Variants in CDH18 observed in about 807,000 individuals in gnomAD.
CDH18 encodes cadherin 18.
Under a neutral mutation model 67.9 loss-of-function variants are expected in CDH18, and 31 were observed. That is an observed-to-expected ratio of 0.46 (90% CI 0.34 to 0.62). CDH18 has a LOEUF of 0.62. Among genes scored for constraint, CDH18 ranks in the 20% least tolerant of loss-of-function variants. The probability of loss-of-function intolerance (pLI) is 0.01; values close to 1 mark genes in which losing one functional copy is unlikely to be tolerated. For missense variants in CDH18, 890 were observed against 975.5 expected (o/e 0.91, Z 1.17); for synonymous variants, 362 against 347.2 (o/e 1.04, Z -0.48).
chr5:20,424,298 G>A (rs911620972), intron 1 of CDH18, among the ~76,000 whole-genome samples: 5 of 150,916 alleles, frequency 3.3e-5, no homozygotes, highest in Non-Finnish European at 7.4e-5. Context: ...TTTTCATCGA[G>A]AGGATCTGAA....
In CDH18 at chr5:19,669,156, C is replaced by T. The variant is rs567155346; in HGVS notation, c.643+52191G>A. Among the ~76,000 whole-genome samples the T allele has an allele frequency of 4.0e-3, 579 of 144,038 alleles. 2 individuals carry two copies. The highest frequency in any genetic ancestry group is 0.014 in the African/African-American group (550 of 39,362). The allele number at this position is 144,038 out of a possible 152,430, so 94.5% of individuals were successfully genotyped here. A position where few individuals can be genotyped will look rare whatever the true frequency, so the allele number is the denominator to read the frequency against. On this transcript the variant is annotated intron_variant, in intron 5 of 12. Transcript: ENST00000382275. Reference sequence around the variant, plus strand: ...ATATATCATACATTATATATAATATCATATATCATATATATCATAATAATA... The same window carrying T: ...ATATATCATACATTATATATAATATTATATATCATATATATCATAATAATA...
At chr5:19,642,918 T>C (rs866386718) in intron 5 of CDH18, among the ~76,000 whole-genome samples, 5 of 152,034 alleles carry the variant, frequency 3.3e-5, no homozygotes, top group Middle Eastern at 3.2e-3. Context: ...GCAAACTATA[T>C]ATCTGATAAA....
At chr5:20,262,192 T>C (rs184088368) in intron 1 of CDH18, among the ~76,000 whole-genome samples, 1 of 152,320 alleles carries the variant, frequency 6.6e-6, no homozygotes, top group Admixed American at 6.5e-5. Flanking sequence ...TGTTGTTAAA[T>C]TGTGATAAAT....
At chr5:19,583,894 A>G (rs1743677264) in intron 7 of CDH18, among the ~76,000 whole-genome samples, 2 of 152,212 alleles carry the variant, frequency 1.3e-5, no homozygotes, top group Admixed American at 6.5e-5. Flanking sequence ...CTCGAAGGAC[A>G]AGTTTAAAAT....
chr5:19,945,432 G>A (rs1487746787), intron 2 of CDH18, among the ~76,000 whole-genome samples: 1 of 152,126 alleles, frequency 6.6e-6, no homozygotes, highest in African/African-American at 2.4e-5. Flanking sequence ...AAGATCAAAA[G>A]TCTGCTAATA....
chr5:19,875,650 A>AT (rs1786897844), intron 2 of CDH18, among the ~76,000 whole-genome samples: 1 of 151,938 alleles, frequency 6.6e-6, no homozygotes, highest in Admixed American at 6.6e-5. Flanking sequence ...AATTTTGCCT[A>AT]TTTTTAAACA....
Position 19,838,831 on chromosome 5 carries a change from T to C in CDH18, c.156A>G (p.Lys52=). 1 of 1,613,978 alleles carries C rather than the reference T, an allele frequency of 6.2e-7. No individual in the cohort carries two copies. Among genetic ancestry groups the C allele is most frequent in the Non-Finnish European group, 8.5e-7 (1 of 1,179,884 alleles). ...AGAACTGATTCCATACCCATCCCCTTTTGGGACGATGATGGACTTCGGTTT... is the reference window on the plus strand; with the variant it reads ...AGAACTGATTCCATACCCATCCCCTCTTGGGACGATGATGGACTTCGGTTT... The part of the protein sequence containing the change: ...EGETEVHHRP[K]RGWVWNQFFV... Residue 52 remains lysine, a synonymous_variant, in exon 3 of 13, where the codon AAA becomes AAG. Transcript: ENST00000382275.
intron 3 of CDH18, among the ~76,000 whole-genome samples, chr5:19,825,137 A>G (rs1780273799): frequency 6.6e-6 from 1 of 151,486 alleles, no homozygotes; most frequent in African/African-American, 2.4e-5. Context: ...TAGAGTTTCC[A>G]GTCCAGCATT....
chr5:19,702,179 C>T (rs1763357909), intron 5 of CDH18, among the ~76,000 whole-genome samples: 1 of 126,074 alleles, frequency 7.9e-6, no homozygotes, highest in Admixed American at 9.7e-5. Context: ...GATGGAGTCT[C>T]CCTCTGTCCC....
chr5:20,462,218 G>A (rs56155622), intron 1 of CDH18, among the ~76,000 whole-genome samples: 12,694 of 152,192 alleles, frequency 0.083, 1,702 homozygotes, highest in African/African-American at 0.28. Flanking sequence ...TTGCAACAAG[G>A]ATGGAGCCAG....
intron 5 of CDH18, among the ~76,000 whole-genome samples, chr5:19,664,432 C>A (rs1312700031): frequency 6.6e-6 from 1 of 151,640 alleles, no homozygotes; most frequent in Non-Finnish European, 1.5e-5. Flanking sequence ...GTATATTAAG[C>A]AAAATTGAGA....
intron 1 of CDH18, among the ~76,000 whole-genome samples, chr5:20,283,555 C>A (rs1225032084): frequency 6.6e-6 from 1 of 151,818 alleles, no homozygotes; most frequent in Admixed American, 6.6e-5. Flanking sequence ...AATTAAATAT[C>A]ATTTGACCCT....
At chr5:20,463,362 T>C (rs1331360724) in intron 1 of CDH18, among the ~76,000 whole-genome samples, 1 of 151,990 alleles carries the variant, frequency 6.6e-6, no homozygotes, top group Non-Finnish European at 1.5e-5. Flanking sequence ...GTTCAAAGTA[T>C]GGTGTATTAC....
At chr5:20,512,989 C>A (rs1483807358) in intron 1 of CDH18, among the ~76,000 whole-genome samples, 3 of 151,990 alleles carry the variant, frequency 2.0e-5, no homozygotes, top group Non-Finnish European at 4.4e-5. Context: ...GTTTCTCCTT[C>A]AAAATTCACC....
intron 1 of CDH18, among the ~76,000 whole-genome samples, chr5:20,382,366 G>A (rs953655126): frequency 6.6e-6 from 1 of 152,146 alleles, no homozygotes; most frequent in Non-Finnish European, 1.5e-5. Flanking sequence ...CATAGATTAT[G>A]TATAATGAAT....
intron 2 of CDH18, among the ~76,000 whole-genome samples, chr5:20,104,290 C>T (rs1051258952): frequency 1.7e-4 from 26 of 151,758 alleles, no homozygotes; most frequent in African/African-American, 2.4e-4. Context: ...TACATAAATT[C>T]CACTGAATGA....
At chr5:19,777,499 C>G (rs1234065833) in intron 3 of CDH18, among the ~76,000 whole-genome samples, 5 of 152,098 alleles carry the variant, frequency 3.3e-5, no homozygotes, top group African/African-American at 1.2e-4. Flanking sequence ...AGACAACCAA[C>G]AGAAGAAAGA....
At chr5:19,806,042 C>T (rs965292010) in intron 3 of CDH18, among the ~76,000 whole-genome samples, 1 of 152,222 alleles carries the variant, frequency 6.6e-6, no homozygotes, top group Non-Finnish European at 1.5e-5. Context: ...ATGCACTCTG[C>T]TCCAACCGTT....
chr5:19,837,210 G>C (rs1053406581), intron 3 of CDH18, among the ~76,000 whole-genome samples: 25 of 152,052 alleles, frequency 1.6e-4, no homozygotes, highest in African/African-American at 6.0e-4. Context: ...GTTGAACAAT[G>C]AGAACACATG....
Sources: gnomAD v4.1 joint callset for allele counts (sites outside exome capture counted in the v4.1 genomes callset) on GRCh38, gnomAD v4.1.1 for gene constraint, MANE v1.5 for transcripts, NCBI Gene and HGNC (gene_info 2026-07-23, HGNC 2026-07-21) for gene names.